CAMTA1: variants seen among roughly 807,000 people sequenced by gnomAD.
CAMTA1 encodes the protein calmodulin-binding transcription activator 1.
CAMTA1 carries 27 observed loss-of-function variants against 170.9 expected under a neutral mutation model. That is an observed-to-expected ratio of 0.16 (90% CI 0.12 to 0.22). The LOEUF (loss-of-function observed/expected upper bound fraction) is 0.22. CAMTA1 is among the 10% of genes least tolerant of loss of function. CAMTA1 has a pLI of 1.00. For missense variants in CAMTA1, 1,619 were observed against 2,217.2 expected, an observed-to-expected ratio of 0.73 and a Z score of 5.42; for synonymous variants, 833 against 891.5, an observed-to-expected ratio of 0.93 and a Z score of 1.17.
At position 7,300,497 on chromosome 1, in the gene CAMTA1, T is replaced by C. The variant is rs1674598619; in HGVS notation, c.438+50871T>C. Among the ~76,000 whole-genome samples, 1 of 152,112 alleles carries C rather than the reference T, an allele frequency of 6.6e-6. No homozygotes were observed. The highest frequency in any genetic ancestry group is 1.5e-5 in the Non-Finnish European group (1 of 68,000). On this transcript the variant is annotated intron_variant, in intron 5 of 22. Coordinates refer to ENST00000303635, the MANE Select transcript of CAMTA1 (RefSeq NM_015215.4). The surrounding 1 kb of genome is among the most constrained non-coding windows in gnomAD (Gnocchi z 4.1). The stretch of plus-strand genomic sequence containing the variant: ...TTCGAGACCAGCCTGGCCAACATGG[T>C]GAAACCCCGTCTCTACTAAAAATAC...
intron 6 of CAMTA1, among the ~76,000 whole-genome samples, chr1:7,638,792 G>A (rs562653378): frequency 1.3e-5 from 2 of 152,250 alleles, no homozygotes; most frequent in African/African-American, 2.4e-5. Context: ...GATAAGCAGC[G>A]CTGCCTTCTG....
In CAMTA1 at chr1:7,325,976, A is replaced by G. The variant is rs1283655913; in HGVS notation, c.438+76350A>G. On this transcript the variant is annotated intron_variant, in intron 5 of 22. Transcript: ENST00000303635. This position sits in a 1 kb window ranked among gnomAD's most constrained non-coding sequence, Gnocchi z 5.0. ...CAGGTTCAAGTGATTCTCATGCCTC[A>G]GCCTCCCAAGTAGCTGGGACTACAG... 2.0e-5 allele frequency among the ~76,000 whole-genome samples: 3 copies of G among 152,206 alleles called. No individual in the cohort carries two copies.
chr1:7,536,061 C>A (rs540200870), intron 6 of CAMTA1, among the ~76,000 whole-genome samples: 80 of 152,298 alleles, frequency 5.3e-4, no homozygotes, highest in African/African-American at 1.9e-3. Flanking sequence ...CTATAACAAC[C>A]TCCTCGTGGC....
chr1:7,186,898 CGG>C, intron 4 of CAMTA1, among the ~76,000 whole-genome samples: 1 of 152,120 alleles, frequency 6.6e-6, no homozygotes, highest in Middle Eastern at 3.4e-3. Context: ...GGAGTCTTCC[CGG>C]CGGGGGCGTG....
chr1:6,886,281 A>G (rs1392156282), intron 3 of CAMTA1: 2 of 455,886 alleles, frequency 4.4e-6, no homozygotes, highest in East Asian at 1.4e-4. Context: ...TGCAAAGAGC[A>G]ATGGAAAACA....
At chr1:7,348,273 C>T (rs950354711) in intron 5 of CAMTA1, among the ~76,000 whole-genome samples, 7 of 152,212 alleles carry the variant, frequency 4.6e-5, no homozygotes, top group Admixed American at 6.5e-5. Context: ...TTGGTCTCGA[C>T]GACTTCTTGG....
rs573229536 is a variant in CAMTA1 at position 7,362,777 on chromosome 1, G to A, written c.439-105053G>A. ...GACTTGAATAGAGTTAGTGGACTTG[G>A]GTAGAGTTAGTAGACTTGAATAGAC... On this transcript the variant is annotated intron_variant, in intron 5 of 22. Transcript: ENST00000303635. Among the ~76,000 whole-genome samples, 13 of 91,622 alleles carry A rather than the reference G, an allele frequency of 1.4e-4. No individual in the cohort carries two copies. In the East Asian group the frequency reaches 2.9e-3, roughly 20 times the overall value. The allele number at this position is 91,622 out of a possible 152,430, so 60.1% of individuals were successfully genotyped here. A position where few individuals can be genotyped will look rare whatever the true frequency, so the allele number is the denominator to read the frequency against.
intron 3 of CAMTA1, among the ~76,000 whole-genome samples, chr1:7,028,554 C>G (rs761922978): frequency 6.6e-6 from 1 of 152,158 alleles, no homozygotes; most frequent in East Asian, 1.9e-4. Context: ...AATCCGAGAC[C>G]TGCTTTCATG....
At chr1:6,880,494 G>A (rs1040612668) in intron 3 of CAMTA1, among the ~76,000 whole-genome samples, 1 of 144,830 alleles carries the variant, frequency 6.9e-6, no homozygotes, top group Non-Finnish European at 1.5e-5. Context: ...GGCTCAAGCA[G>A]TCCTCCCACC....
chr1:7,549,957 G>T (rs547919366), intron 6 of CAMTA1, among the ~76,000 whole-genome samples: 1 of 152,100 alleles, frequency 6.6e-6, no homozygotes, highest in Non-Finnish European at 1.5e-5. Flanking sequence ...AGAGACAGAG[G>T]TTAGGGGCTC....
chr1:7,446,948 G>A (rs556291924), intron 5 of CAMTA1, among the ~76,000 whole-genome samples: 4 of 152,276 alleles, frequency 2.6e-5, no homozygotes, highest in East Asian at 1.9e-4. Flanking sequence ...CGCCTCCACC[G>A]TCTTTCTTAC....
intron 3 of CAMTA1, among the ~76,000 whole-genome samples, chr1:7,048,256 G>A (rs993370886): frequency 3.3e-5 from 5 of 152,056 alleles, no homozygotes; most frequent in African/African-American, 1.2e-4. Flanking sequence ...ATTAATAATT[G>A]TGACAAGGAG....
In CAMTA1 at chr1:7,642,602, G is replaced by A. The variant is rs980170320; in HGVS notation, c.664+2049G>A. ...GGGGCCTACTGATACTTTCTCTGCC[G>A]CAGAGCCTCAGCTGGGCCAGCGCTA... On this transcript the variant is annotated intron_variant, in intron 7 of 22. Coordinates refer to ENST00000303635, the MANE Select transcript of CAMTA1 (RefSeq NM_015215.4). This position sits in a 1 kb window ranked among gnomAD's most constrained non-coding sequence, Gnocchi z 6.3. Among the ~76,000 whole-genome samples, 9 of 152,156 alleles carry A rather than the reference G, an allele frequency of 5.9e-5. No homozygotes were observed. The highest frequency in any genetic ancestry group is 9.7e-5 in the African/African-American group (4 of 41,422).
chr1:7,130,960 CT>C (rs1026936946), intron 4 of CAMTA1, among the ~76,000 whole-genome samples: 88 of 144,124 alleles, frequency 6.1e-4, no homozygotes, highest in Middle Eastern at 3.8e-3. Context: ...CTTTTCTTTT[CT>C]TTTTTTTTTT....
intron 3 of CAMTA1, among the ~76,000 whole-genome samples, chr1:7,015,664 G>A (rs1241800310): frequency 2.6e-5 from 4 of 152,156 alleles, no homozygotes; most frequent in East Asian, 3.9e-4. Flanking sequence ...GTCTGTTTTC[G>A]CATTGCTATA....
intron 3 of CAMTA1, among the ~76,000 whole-genome samples, chr1:6,838,073 A>G (rs186603784): frequency 1.1e-4 from 16 of 152,308 alleles, no homozygotes; most frequent in Admixed American, 2.6e-4. Context: ...AGTATATACA[A>G]TAGTCCCTGG....
At chr1:7,276,303 A>ATATAATTTTTTTTTT in intron 5 of CAMTA1, among the ~76,000 whole-genome samples, 1 of 24,228 alleles carries the variant, frequency 4.1e-5, no homozygotes, top group African/African-American at 3.0e-4. Context: ...ATATATATAT[A>ATATAATTTTTTTTTT]TTTTTTTTTT....
At chr1:7,652,920 A>C (rs917369037) in intron 7 of CAMTA1, among the ~76,000 whole-genome samples, 6 of 152,166 alleles carry the variant, frequency 3.9e-5, no homozygotes, top group Non-Finnish European at 7.3e-5. Flanking sequence ...GGCAAGTTAC[A>C]TAACTTCTCT....
In CAMTA1 at chr1:7,565,551, C is replaced by T. The variant is rs148028966; in HGVS notation, c.511-74849C>T. On this transcript the variant is annotated intron_variant, in intron 6 of 22. Transcript: ENST00000303635. This position sits in a 1 kb window ranked among gnomAD's most constrained non-coding sequence, Gnocchi z 4.5. The stretch of plus-strand genomic sequence containing the variant: ...CTCTAGGCTGTCCGGAACAGCAGGA[C>T]GGGGCTGGCAGAGCTTGGGACCCTC... Among the ~76,000 whole-genome samples, 994 of 152,200 alleles carry T rather than the reference C, an allele frequency of 6.5e-3. 13 individuals are homozygous for T. Among genetic ancestry groups the T allele is most frequent in the African/African-American group, 0.023 (948 of 41,544 alleles).
Sources: gnomAD v4.1 joint callset for allele counts (sites outside exome capture counted in the v4.1 genomes callset) on GRCh38, gnomAD v4.1.1 for gene constraint, Gnocchi (gnomAD v3.1) non-coding constraint, MANE v1.5 for transcripts, NCBI Gene and HGNC (gene_info 2026-07-23, HGNC 2026-07-21) for gene names.